Variants in TAF2 observed in about 807,000 individuals in gnomAD.
TAF2 encodes the protein TATA-box binding protein associated factor 2, also known as transcription initiation factor TFIID subunit 2.
In TAF2, 61 loss-of-function variants were observed where a neutral mutation model predicts 138.5. The ratio of observed to expected loss-of-function variants is 0.44; its 90% confidence interval spans 0.36 to 0.54. The LOEUF (loss-of-function observed/expected upper bound fraction) is 0.54, where lower values mean the gene tolerates loss of function less well. TAF2 is among the 20% of genes least tolerant of loss of function. The pLI is 0.00. For synonymous variants in TAF2, 475 were observed against 469.9 expected, an observed-to-expected ratio of 1.01 and a Z score of -0.14; for missense variants, 1,090 against 1,427.9, an observed-to-expected ratio of 0.76 and a Z score of 3.81.
rs1404781873 is a variant in TAF2, at chr8:119,742,416, A to C, written c.3337+118T>G. On this transcript the variant is annotated intron_variant, in intron 25 of 25. Transcript: ENST00000378164. Reference sequence around the variant, plus strand: ...TATAAGCTCAATGTATTACAAGAAAAGCCAAGTCCTAAGATCTGTATTTTT... The same window carrying C: ...TATAAGCTCAATGTATTACAAGAAACGCCAAGTCCTAAGATCTGTATTTTT... The C allele has an allele frequency of 2.3e-6, 3 of 1,332,974 alleles. No homozygotes were observed. In the African/African-American group the frequency reaches 4.4e-5, roughly 20 times the overall value. The allele number at this position is 1,332,974 out of a possible 1,614,324, so 82.6% of individuals were successfully genotyped here.
intron 3 of TAF2, among the ~76,000 whole-genome samples, 190 bp from the exon 4 acceptor site, chr8:119,806,591 C>G (rs1305429858): frequency 6.6e-6 from 1 of 151,690 alleles, no homozygotes; most frequent in Non-Finnish European, 1.5e-5. Flanking sequence ...CCTCAGCCTC[C>G]CGAGTAGCTA....
intron 18 of TAF2, among the ~76,000 whole-genome samples, chr8:119,769,432 T>C (rs1460528878): frequency 1.3e-5 from 2 of 150,828 alleles, no homozygotes; most frequent in African/African-American, 5.0e-5. Context: ...ACACAAGCTC[T>C]CTTATCAGTG....
intron 2 of TAF2, among the ~76,000 whole-genome samples, chr8:119,824,428 C>CAAAAAA (rs71304910): frequency 8.0e-6 from 1 of 125,636 alleles, no homozygotes; most frequent in Non-Finnish European, 1.7e-5. Context: ...GACTCCGTCT[C>CAAAAAA]AAAAAAAAAA....
At chr8:119,806,048 G>A (rs1175247508) in intron 4 of TAF2, among the ~76,000 whole-genome samples, 7 of 151,776 alleles carry the variant, frequency 4.6e-5, no homozygotes, top group African/African-American at 1.5e-4. Context: ...GGGATTACAT[G>A]CGCCCACCAA....
chr8:119,806,254 G>T, intron 4 of TAF2, 29 bp downstream of exon 4: 1 of 1,555,660 alleles, frequency 6.4e-7, no homozygotes, highest in Non-Finnish European at 8.9e-7. Context: ...TGATTTTAGT[G>T]TACAGTCAAT....
In TAF2 at chr8:119,831,663, G is replaced by A. The variant is rs199644129; in HGVS notation, c.138+14C>T. 6.3e-7 allele frequency: 1 copy of A among 1,594,440 alleles called. No individual in the cohort carries two copies. Among genetic ancestry groups the A allele is most frequent in the Non-Finnish European group, 8.6e-7 (1 of 1,164,748 alleles). On this transcript the variant is annotated intron_variant, in intron 2 of 25. Coordinates refer to ENST00000378164, the MANE Select transcript of TAF2 (RefSeq NM_003184.4). The stretch of plus-strand genomic sequence containing the variant: ...GGACTTGTTACTATTTATAATTGTT[G>A]AGAATAAACTTACCACAACAGATTT...
chr8:119,757,960 A>G, intron 21 of TAF2, 113 bp downstream of exon 21: 4 of 886,394 alleles, frequency 4.5e-6, no homozygotes, highest in Non-Finnish European at 7.5e-6. Context: ...TAAATGCAAA[A>G]GATATTCCCA....
intron 3 of TAF2, among the ~76,000 whole-genome samples, chr8:119,811,834 A>G (rs1318395946): frequency 1.3e-5 from 2 of 151,304 alleles, no homozygotes; most frequent in Non-Finnish European, 2.9e-5. Flanking sequence ...AAAAATAACC[A>G]AAACAAAATT....
chr8:119,796,796 A>G (rs1823856986), intron 8 of TAF2, among the ~76,000 whole-genome samples, 194 bp downstream of exon 8: 1 of 152,088 alleles, frequency 6.6e-6, no homozygotes, highest in Non-Finnish European at 1.5e-5. Flanking sequence ...ACTAATAAAT[A>G]TAAGTGACTA....
Position 119,731,567 on chromosome 8 carries a change from T to A in TAF2, c.*357A>T. 3.5e-6 allele frequency: 1 copy of A among 285,434 alleles called. No homozygotes were observed. Among genetic ancestry groups the A allele is most frequent in the South Asian group, 4.1e-5 (1 of 24,492 alleles). The allele number at this position is 285,434 out of a possible 1,614,324, so 17.7% of individuals were successfully genotyped here. Reference sequence around the variant, plus strand: ...TAAATCATAACTTTGCCCCATAACATCCACCAAAGGCTTTCAAACATAATT... The same window carrying A: ...TAAATCATAACTTTGCCCCATAACAACCACCAAAGGCTTTCAAACATAATT... On this transcript the variant is annotated 3_prime_UTR_variant, in exon 26 of 26. Coordinates refer to ENST00000378164, the MANE Select transcript of TAF2 (RefSeq NM_003184.4).
intron 17 of TAF2, among the ~76,000 whole-genome samples, chr8:119,778,367 G>A (rs945364935): frequency 4.6e-5 from 7 of 152,174 alleles, no homozygotes; most frequent in Non-Finnish European, 8.8e-5. Flanking sequence ...TCACTCTGTA[G>A]GCTATGTGCC....
intron 25 of TAF2, among the ~76,000 whole-genome samples, chr8:119,736,296 T>C (rs1311869994): frequency 2.0e-5 from 3 of 152,312 alleles, no homozygotes; most frequent in African/African-American, 4.8e-5. Flanking sequence ...AAGAAGACAA[T>C]GGATTAGTTA....
At chr8:119,812,827 T>G (rs74479881) in intron 3 of TAF2, among the ~76,000 whole-genome samples, 1 of 147,682 alleles carries the variant, frequency 6.8e-6, no homozygotes, top group Admixed American at 6.8e-5. Flanking sequence ...ATACACACCA[T>G]TTCCTTTATC....
chr8:119,824,162 G>C (rs574063930), intron 2 of TAF2, among the ~76,000 whole-genome samples: 1 of 152,052 alleles, frequency 6.6e-6, no homozygotes, highest in South Asian at 2.1e-4. Flanking sequence ...CGGGCATGGC[G>C]GCTCACACCT....
At chr8:119,806,477 T>A (rs985587306) in intron 3 of TAF2, 76 bp from the exon 4 acceptor site, 5 of 1,088,562 alleles carry the variant, frequency 4.6e-6, no homozygotes, top group Non-Finnish European at 6.6e-6. Flanking sequence ...TTCTTTTTTT[T>A]TTTTTTTTTT....
At chr8:119,743,541 C>T (rs895563497) in intron 24 of TAF2, among the ~76,000 whole-genome samples, 1 of 152,028 alleles carries the variant, frequency 6.6e-6, no homozygotes, top group Admixed American at 6.6e-5. Context: ...CAACTTTTAT[C>T]AAAGGCTTTT....
chr8:119,805,542 C>T (rs1052682312), intron 4 of TAF2, among the ~76,000 whole-genome samples: 3 of 151,918 alleles, frequency 2.0e-5, no homozygotes, highest in Non-Finnish European at 4.4e-5. Flanking sequence ...CCTGTCTCTA[C>T]TAAAAATACA....
At chr8:119,784,964 C>T (rs1822914985) in intron 15 of TAF2, among the ~76,000 whole-genome samples, 1 of 152,162 alleles carries the variant, frequency 6.6e-6, no homozygotes, top group South Asian at 2.1e-4. Context: ...GTTGTGCTCA[C>T]CCCTCAACCA....
chr8:119,735,487 C>T (rs1466405132), intron 25 of TAF2, among the ~76,000 whole-genome samples: 1 of 152,222 alleles, frequency 6.6e-6, no homozygotes, highest in Non-Finnish European at 1.5e-5. Flanking sequence ...TGTACTTCCT[C>T]TTTGTCAGGC....
Sources: allele counts gnomAD v4.1 joint callset (sites outside exome capture counted in the v4.1 genomes callset), GRCh38; gene constraint gnomAD v4.1.1; transcripts MANE v1.5; gene names NCBI Gene and HGNC (gene_info 2026-07-23, HGNC 2026-07-21).